Variants in KIZ observed in about 807,000 individuals in gnomAD.
KIZ encodes the protein centrosomal protein kizuna.
KIZ carries 68 observed loss-of-function variants against 79.6 expected under a neutral mutation model. That is an observed-to-expected ratio of 0.85 (90% confidence interval 0.70 to 1.05). The LOEUF is 1.05. Among genes scored for constraint, KIZ ranks in the 50% least tolerant of loss-of-function variants. The pLI is 0.00. For missense variants in KIZ, 797 were observed against 800.4 expected, an observed-to-expected ratio of 1.00 and a Z score of 0.05; for synonymous variants, 280 against 281.8, an observed-to-expected ratio of 0.99 and a Z score of 0.06.
intron 7 of KIZ, among the ~76,000 whole-genome samples, chr20:21,207,085 T>C (rs2035856136): frequency 6.6e-6 from 1 of 152,222 alleles, no homozygotes; most frequent in African/African-American, 2.4e-5. Flanking sequence ...TTTCTGGCTT[T>C]GATTCTTTTT....
chr20:21,188,495 G>A (rs1019634788), intron 6 of KIZ, among the ~76,000 whole-genome samples: 2 of 151,860 alleles, frequency 1.3e-5, no homozygotes, highest in Non-Finnish European at 2.9e-5. Context: ...AATTTGTTTT[G>A]TTTTCTTCTG....
intron 4 of KIZ, among the ~76,000 whole-genome samples, chr20:21,155,699 C>A (rs545232246): frequency 6.6e-6 from 1 of 152,302 alleles, no homozygotes; most frequent in East Asian, 1.9e-4. Flanking sequence ...AATTATATCT[C>A]AGTAAAATGG....
At chr20:21,140,836 T>C (rs2032477015) in intron 3 of KIZ, among the ~76,000 whole-genome samples, 1 of 151,612 alleles carries the variant, frequency 6.6e-6, no homozygotes, top group African/African-American at 2.4e-5. Context: ...AAAATAAAAT[T>C]TAAAAATTAA....
chr20:21,180,776 G>GTA lies in KIZ; in HGVS notation c.1352+17618_1352+17619dup, dbSNP rs2034626358. On this transcript the variant is annotated intron_variant, in intron 6 of 12. Coordinates refer to ENST00000619189, the MANE Select transcript of KIZ (RefSeq NM_018474.6). The stretch of plus-strand genomic sequence containing the variant: ...AGGCCAGGTATAGGTACTCCAGTCA[G>GTA]TAGTCCCAGCTGAGCCCAGTAGTTC... Among the ~76,000 whole-genome samples the GTA allele has an allele frequency of 2.0e-5, 3 of 152,250 alleles. No individual in the cohort carries two copies. In the South Asian group the frequency reaches 6.2e-4, roughly 32 times the overall value.
intron 6 of KIZ, among the ~76,000 whole-genome samples, chr20:21,170,129 G>A (rs551229984): frequency 4.6e-5 from 7 of 151,710 alleles, no homozygotes; most frequent in Admixed American, 3.3e-4. Flanking sequence ...TTTGGTATGG[G>A]GTTATTTAGT....
intron 1 of KIZ, among the ~76,000 whole-genome samples, chr20:21,127,761 C>T (rs2031575189): frequency 6.6e-6 from 1 of 152,196 alleles, no homozygotes; most frequent in Non-Finnish European, 1.5e-5. Flanking sequence ...AACCTGGATT[C>T]TAGTCCACGA....
chr20:21,182,672 C>T (rs2034705372), intron 6 of KIZ, among the ~76,000 whole-genome samples: 1 of 151,850 alleles, frequency 6.6e-6, no homozygotes, highest in South Asian at 2.1e-4. Flanking sequence ...TGGTGTGCAT[C>T]TGTAATCTCA....
Position 21,238,672 on chromosome 20 carries a change from CCCCACTGTTGCCTTT to C in KIZ, c.1881-5572_1881-5558del, listed in dbSNP as rs539339822. Among the ~76,000 whole-genome samples the C allele has an allele frequency of 1.6e-3, 248 of 152,300 alleles. 1 individual carries two copies. Among genetic ancestry groups the C allele is most frequent in the African/African-American group, 5.7e-3 (236 of 41,576 alleles). On this transcript the variant is annotated intron_variant, in intron 11 of 12. Transcript: ENST00000619189. Reference sequence around the variant, plus strand: ...TCCACTGTCATCAGTTCTCAGCCAACCCCACTGTTGCCTTTTCAGCCAATTTCATGGTGTTTATTC... The same window carrying C: ...TCCACTGTCATCAGTTCTCAGCCAACTCAGCCAATTTCATGGTGTTTATTC...
intron 3 of KIZ, among the ~76,000 whole-genome samples, chr20:21,136,977 G>A (rs1305477861): frequency 6.6e-6 from 1 of 152,182 alleles, no homozygotes; most frequent in Non-Finnish European, 1.5e-5. Context: ...GAATCAATGG[G>A]ATATCTCTAA....
chr20:21,229,855 T>A (rs2036780459), intron 10 of KIZ, among the ~76,000 whole-genome samples: 2 of 152,308 alleles, frequency 1.3e-5, no homozygotes, highest in Middle Eastern at 3.4e-3. Context: ...GGATTACAGG[T>A]GTGAGCCACC....
At chr20:21,223,590 T>A (rs2036567060) in intron 9 of KIZ, among the ~76,000 whole-genome samples, 1 of 152,064 alleles carries the variant, frequency 6.6e-6, no homozygotes, top group Non-Finnish European at 1.5e-5. Context: ...TAAAAAAAAA[T>A]TCCTAAATAT....
At chr20:21,145,830 G>T (rs1398806929) in intron 4 of KIZ, among the ~76,000 whole-genome samples, 176 bp downstream of exon 4, 1 of 152,102 alleles carries the variant, frequency 6.6e-6, no homozygotes. Context: ...ATTTAATTAA[G>T]TTTGCTGAAA....
intron 4 of KIZ, among the ~76,000 whole-genome samples, chr20:21,148,304 A>G (rs2032952075): frequency 6.6e-6 from 1 of 152,178 alleles, no homozygotes; most frequent in Admixed American, 6.5e-5. Flanking sequence ...GGATGCCAAG[A>G]AAAGTCATCA....
chr20:21,239,746 C>T (rs918750422), intron 11 of KIZ, among the ~76,000 whole-genome samples: 1 of 152,152 alleles, frequency 6.6e-6, no homozygotes, highest in Non-Finnish European at 1.5e-5. Flanking sequence ...ATCCTGACTC[C>T]ACGTATAGAG....
At chr20:21,151,277 G>C (rs978642762) in intron 4 of KIZ, 4 of 152,114 alleles carry the variant, frequency 2.6e-5, no homozygotes, top group African/African-American at 9.7e-5. Context: ...TTTTTTAAAG[G>C]TATTAGCTAC....
intron 6 of KIZ, among the ~76,000 whole-genome samples, chr20:21,181,442 CT>C (rs2034650540): frequency 6.6e-6 from 1 of 151,870 alleles, no homozygotes; most frequent in Non-Finnish European, 1.5e-5. Context: ...ATTTGAATTA[CT>C]GAAAAGCCAT....
At chr20:21,188,765 T>C (rs2034996143) in intron 6 of KIZ, among the ~76,000 whole-genome samples, 1 of 151,882 alleles carries the variant, frequency 6.6e-6, no homozygotes, top group Non-Finnish European at 1.5e-5. Context: ...AGTGGCACGA[T>C]CTGGGCTCAC....
chr20:21,205,682 G>T, intron 7 of KIZ, 98 bp downstream of exon 7: 3 of 569,692 alleles, frequency 5.3e-6, no homozygotes, highest in Non-Finnish European at 8.9e-6. Context: ...AAAAGTTTTG[G>T]CCAGGCGCCG....
chr20:21,233,347 C>T (rs981491403), intron 11 of KIZ, among the ~76,000 whole-genome samples: 6 of 152,144 alleles, frequency 3.9e-5, no homozygotes, highest in African/African-American at 9.6e-5. Flanking sequence ...TTTATCTTTT[C>T]ACATTTGTCA....
Sources: gnomAD v4.1 joint callset for allele counts (sites outside exome capture counted in the v4.1 genomes callset) on GRCh38, gnomAD v4.1.1 for gene constraint, MANE v1.5 for transcripts, NCBI Gene and HGNC (gene_info 2026-07-23, HGNC 2026-07-21) for gene names.